The following HPSE2 variants were observed in gnomAD, a reference collection of about 807,000 sequenced individuals.
HPSE2 encodes the protein heparanase 2 (inactive), also known as inactive heparanase-2.
HPSE2 carries 38 observed loss-of-function variants against 60.5 expected under a neutral mutation model. That is an observed-to-expected ratio of 0.63 (90% confidence interval 0.48 to 0.82). HPSE2 has a LOEUF of 0.82. Among genes scored for constraint, HPSE2 ranks in the 40% least tolerant of loss-of-function variants. The probability of loss-of-function intolerance (pLI) is 0.00; values close to 1 mark genes in which losing one functional copy is unlikely to be tolerated. For synonymous variants in HPSE2, 295 were observed against 293.2 expected (o/e 1.01, Z -0.06); for missense variants, 713 against 740.4 (o/e 0.96, Z 0.43).
chr10:98,739,885 T>C (rs907244767), intron 4 of HPSE2, among the ~76,000 whole-genome samples: 1 of 152,156 alleles, frequency 6.6e-6, no homozygotes, highest in Non-Finnish European at 1.5e-5. Flanking sequence ...TGATTAAGTA[T>C]AGCTCTCTAG....
At chr10:98,830,695 C>A (rs939307332) in intron 3 of HPSE2, among the ~76,000 whole-genome samples, 1 of 152,114 alleles carries the variant, frequency 6.6e-6, no homozygotes, top group African/African-American at 2.4e-5. Flanking sequence ...AAAGAGTAAA[C>A]AGCCATCTTG....
At chr10:99,168,078 C>A (rs1847155448) in intron 2 of HPSE2, among the ~76,000 whole-genome samples, 1 of 124,580 alleles carries the variant, frequency 8.0e-6, no homozygotes, top group African/African-American at 2.9e-5. Flanking sequence ...TTGAGGTGAT[C>A]AGCCTATTTA....
intron 3 of HPSE2, among the ~76,000 whole-genome samples, chr10:98,881,342 G>A (rs1046624990): frequency 2.6e-5 from 4 of 152,052 alleles, no homozygotes; most frequent in African/African-American, 9.7e-5. Flanking sequence ...CAATGACATG[G>A]ATGAAGGTAG....
chr10:99,127,988 A>C (rs1336640001), intron 3 of HPSE2, among the ~76,000 whole-genome samples: 1 of 152,238 alleles, frequency 6.6e-6, no homozygotes, highest in African/African-American at 2.4e-5. Flanking sequence ...TGCGAAAAGG[A>C]GTTCTAAATC....
chr10:99,252,880 A>G, the HPSE2 span, among the ~76,000 whole-genome samples: 4 of 99,126 alleles, frequency 4.0e-5, no homozygotes, highest in East Asian at 9.6e-4. Context: ...CCGTCTCAAA[A>G]AAAAAAAAAA....
intron 4 of HPSE2, among the ~76,000 whole-genome samples, chr10:98,726,518 G>A (rs1236549929): frequency 4.6e-5 from 7 of 150,924 alleles, no homozygotes; most frequent in Non-Finnish European, 1.0e-4. Context: ...ATAGCATTAG[G>A]AGATATACCT....
chr10:99,305,960 C>CGT, the HPSE2 span, among the ~76,000 whole-genome samples: 1 of 79,022 alleles, frequency 1.3e-5, no homozygotes, highest in Non-Finnish European at 2.8e-5. Flanking sequence ...AACTCACACA[C>CGT]ACGCGCGCGC....
chr10:98,682,861 A>G (rs1947820815), intron 6 of HPSE2, among the ~76,000 whole-genome samples: 1 of 152,186 alleles, frequency 6.6e-6, no homozygotes, highest in Non-Finnish European at 1.5e-5. Context: ...TGTAGTTAAC[A>G]AACTGCCTCA....
intron 3 of HPSE2, among the ~76,000 whole-genome samples, chr10:98,959,855 A>G (rs867789184): frequency 1.3e-5 from 2 of 152,114 alleles, no homozygotes; most frequent in Admixed American, 6.6e-5. Context: ...CAGAAAAATA[A>G]AGCTATGAAA....
chr10:98,999,156 CGTGTGTGTGTGTGTGTGTGTGTGTGT>C (rs55879808), intron 3 of HPSE2, among the ~76,000 whole-genome samples: 2 of 137,572 alleles, frequency 1.5e-5, no homozygotes, highest in Admixed American at 1.5e-4. Context: ...GTATAGACTA[CGTGTGTGTGTGTGTGTGTGTGTGTGT>C]GTGTGTGTGT....
chr10:99,086,103 T>A (rs575878647), intron 3 of HPSE2, among the ~76,000 whole-genome samples: 14 of 152,302 alleles, frequency 9.2e-5, no homozygotes, highest in Middle Eastern at 6.8e-3. Context: ...TTTGTTTATA[T>A]GCCTATTACA....
chr10:99,219,202 T>C (rs575122924), intron 2 of HPSE2, among the ~76,000 whole-genome samples: 1 of 152,300 alleles, frequency 6.6e-6, no homozygotes, highest in South Asian at 2.1e-4. Flanking sequence ...TTTTTGGAAG[T>C]TTCAGAAGTG....
At position 99,047,233 on chromosome 10, in the gene HPSE2, A is replaced by G. The variant is rs574900990; in HGVS notation, c.610+97005T>C. Among the ~76,000 whole-genome samples, 11 of 152,326 alleles carry G rather than the reference A, an allele frequency of 7.2e-5. No individual in the cohort carries two copies. The East Asian group carries it at 9.7e-4, about 13-fold the overall frequency. ...ACAAGCAATGGGGAAAGGAACTCCT[A>G]TTTGATTAATGGTGCTGGGATAACT... On this transcript the variant is annotated intron_variant, in intron 3 of 11. Transcript: ENST00000370552.
intron 3 of HPSE2, among the ~76,000 whole-genome samples, chr10:98,954,971 T>G (rs577363941): frequency 1.5e-5 from 1 of 68,452 alleles, no homozygotes; most frequent in Non-Finnish European, 3.5e-5. Context: ...TATATATATA[T>G]ACATATTTAT....
chr10:98,644,581 G>A (rs894535385), intron 6 of HPSE2, among the ~76,000 whole-genome samples: 1 of 152,244 alleles, frequency 6.6e-6, no homozygotes, highest in Non-Finnish European at 1.5e-5. Flanking sequence ...ATATCCCTTA[G>A]AAGTGATTTT....
chr10:98,985,399 TAAGTG>T (rs1589464561), intron 3 of HPSE2, among the ~76,000 whole-genome samples: 1 of 152,148 alleles, frequency 6.6e-6, no homozygotes, highest in African/African-American at 2.4e-5. Flanking sequence ...CTAAGCTTCA[TAAGTG>T]AAGGAGAAAT....
chr10:99,009,336 C>A (rs1221785090), intron 3 of HPSE2, among the ~76,000 whole-genome samples: 1 of 150,958 alleles, frequency 6.6e-6, no homozygotes, highest in African/African-American at 2.4e-5. Flanking sequence ...GGGTGAATTG[C>A]ATGAGCCCAG....
At chr10:98,909,635 TAAAAAAAAAAAAAATG>T (rs989983477) in intron 3 of HPSE2, among the ~76,000 whole-genome samples, 8 of 134,814 alleles carry the variant, frequency 5.9e-5, no homozygotes, top group African/African-American at 2.2e-4. Context: ...TCTCAAAATT[TAAAAAAAAAAAAAATG>T]AAAAAAAAAG....
intron 4 of HPSE2, among the ~76,000 whole-genome samples, chr10:98,725,241 C>G (rs1235298146): frequency 3.3e-5 from 5 of 152,158 alleles, no homozygotes; most frequent in Admixed American, 2.6e-4. Flanking sequence ...TCAAACTATA[C>G]TACTAGGCTA....
Sources: allele counts gnomAD v4.1 joint callset (sites outside exome capture counted in the v4.1 genomes callset), GRCh38; gene constraint gnomAD v4.1.1; transcripts MANE v1.5; gene names NCBI Gene and HGNC (gene_info 2026-07-23, HGNC 2026-07-21).